GPR83: variants seen among roughly 807,000 people sequenced by gnomAD.
The protein encoded by GPR83 is G protein-coupled receptor 83.
Under a neutral mutation model 28.0 loss-of-function variants are expected in GPR83, and 23 were observed. The observed-to-expected ratio is 0.82, with a 90% CI of 0.59 to 1.16. The LOEUF (loss-of-function observed/expected upper bound fraction) is 1.16, where lower values mean the gene tolerates loss of function less well. GPR83 is among the 50% of genes most tolerant of loss of function. The pLI, the probability that GPR83 is intolerant of heterozygous loss-of-function variation, is 0.00. For synonymous variants in GPR83, 234 were observed against 215.4 expected, an observed-to-expected ratio of 1.09 and a Z score of -0.76; for missense variants, 610 against 536.6, an observed-to-expected ratio of 1.14 and a Z score of -1.35.
intron 3 of GPR83, among the ~76,000 whole-genome samples, chr11:94,381,372 C>CT (rs1944685920): frequency 2.0e-5 from 3 of 151,964 alleles, no homozygotes; most frequent in East Asian, 3.9e-4. Flanking sequence ...ACTTCCTTTG[C>CT]TTTTTTTAGG....
In GPR83 at chr11:94,398,433, G is replaced by A. The variant is rs186972808; in HGVS notation, c.388-1909C>T. On this transcript the variant is annotated intron_variant, in intron 1 of 3. Transcript: ENST00000243673. ...AACACAAAGTGAACTTTGATGCTTC[G>A]ATGCCTTTGTTCTCCCTGGTCCCTC... Among the ~76,000 whole-genome samples, 10 of 152,186 alleles carry A rather than the reference G, an allele frequency of 6.6e-5. No homozygotes were observed. The South Asian group carries it at 1.2e-3, about 19-fold the overall frequency.
intron 1 of GPR83, among the ~76,000 whole-genome samples, chr11:94,399,159 A>C (rs954573721): frequency 6.6e-6 from 1 of 152,102 alleles, no homozygotes; most frequent in Non-Finnish European, 1.5e-5. Context: ...CAACCGTACC[A>C]CTGTAGATTC....
chr11:94,380,082 A>G lies in GPR83; in HGVS notation c.*67T>C, dbSNP rs1049422048. On this transcript the variant is annotated 3_prime_UTR_variant, in exon 4 of 4. Coordinates refer to ENST00000243673, the MANE Select transcript of GPR83 (RefSeq NM_016540.4). ...TCCAGCACTCTGAAGATCATGTGTG[A>G]GAATAGGCTCTCTTTCCCTGCCTCA... 8 of 1,263,680 alleles carry G rather than the reference A, an allele frequency of 6.3e-6. No individual in the cohort carries two copies. In the African/African-American group the frequency reaches 1.0e-4, roughly 16 times the overall value. 78.3% of individuals were successfully genotyped at this position (1,263,680 alleles called of 1,614,324 possible). A position where few individuals can be genotyped will look rare whatever the true frequency, so the allele number is the denominator to read the frequency against.
chr11:94,382,373 A>T (rs1404392011), intron 3 of GPR83, among the ~76,000 whole-genome samples: 1 of 146,588 alleles, frequency 6.8e-6, no homozygotes, highest in East Asian at 2.0e-4. Flanking sequence ...AAAAAGCAGG[A>T]GTTACAATCC....
intron 3 of GPR83, among the ~76,000 whole-genome samples, chr11:94,389,727 G>C (rs1357345510): frequency 6.6e-6 from 1 of 152,194 alleles, no homozygotes. Context: ...TGGTGGGACT[G>C]TAAACTAGTT....
chr11:94,390,130 T>C (rs145160703), intron 3 of GPR83, among the ~76,000 whole-genome samples: 3,911 of 148,582 alleles, frequency 0.026, 71 homozygotes, highest in African/African-American at 0.046. Context: ...TGAGAACACT[T>C]GGACACAGGA....
At chr11:94,393,131 A>C (rs1001514379) in intron 3 of GPR83, among the ~76,000 whole-genome samples, 3 of 152,222 alleles carry the variant, frequency 2.0e-5, no homozygotes, top group Admixed American at 2.0e-4. Flanking sequence ...GTTTGTAGAT[A>C]GTGTGAGAGG....
In GPR83 at chr11:94,377,507, G is replaced by A. The variant is rs1565181786; in HGVS notation, c.*2642C>T. The A allele has an allele frequency of 6.6e-6, 1 of 152,160 alleles. No individual in the cohort carries two copies. The highest frequency in any genetic ancestry group is 1.5e-5 in the Non-Finnish European group (1 of 68,036). The allele number at this position is 152,160 out of a possible 1,614,324, so 9.4% of individuals were successfully genotyped here. A position where few individuals can be genotyped will look rare whatever the true frequency, so the allele number is the denominator to read the frequency against. ...TCAGTGGGTTCTCCCCAGAGTAAAA[G>A]GGTTTTCTCTGGGACTTGGCAGTAC... On this transcript the variant is annotated 3_prime_UTR_variant, in exon 4 of 4. Transcript: ENST00000243673.
At chr11:94,384,099 A>G (rs1944721792) in intron 3 of GPR83, among the ~76,000 whole-genome samples, 1 of 152,242 alleles carries the variant, frequency 6.6e-6, no homozygotes, top group African/African-American at 2.4e-5. Context: ...AAATACTGGC[A>G]AACTGAATCC....
chr11:94,390,690 G>A (rs1212593463), intron 3 of GPR83, among the ~76,000 whole-genome samples: 1 of 152,114 alleles, frequency 6.6e-6, no homozygotes, highest in African/African-American at 2.4e-5. Flanking sequence ...CAGACAAACA[G>A]AGAGCCAAAT....
rs1295238458 is a variant in GPR83, at chr11:94,388,815, G to A, written c.647+4670C>T. 7.9e-5 allele frequency among the ~76,000 whole-genome samples: 12 copies of A among 151,860 alleles called. No individual in the cohort carries two copies. The East Asian group carries it at 1.5e-3, about 20-fold the overall frequency. On this transcript the variant is annotated intron_variant, in intron 3 of 3. Coordinates refer to ENST00000243673, the MANE Select transcript of GPR83 (RefSeq NM_016540.4). Reference sequence around the variant, plus strand: ...CAGTGACTTTCTTCACAGAATTGGAGAAAACTACTTTAAAGTTCATATGGA... The same window carrying A: ...CAGTGACTTTCTTCACAGAATTGGAAAAAACTACTTTAAAGTTCATATGGA...
intron 1 of GPR83, among the ~76,000 whole-genome samples, chr11:94,400,442 G>A (rs1422324002): frequency 6.6e-6 from 1 of 151,188 alleles, no homozygotes; most frequent in African/African-American, 2.4e-5. Context: ...GGAGAGGAGA[G>A]GAGAGGAGAG....
At chr11:94,387,548 A>T (rs1429370017) in intron 3 of GPR83, among the ~76,000 whole-genome samples, 1 of 152,158 alleles carries the variant, frequency 6.6e-6, no homozygotes, top group Non-Finnish European at 1.5e-5. Context: ...TACTATAAAC[A>T]CCTCTATGCA....
At chr11:94,392,033 T>C (rs1565187401) in intron 3 of GPR83, among the ~76,000 whole-genome samples, 1 of 152,164 alleles carries the variant, frequency 6.6e-6, no homozygotes, top group Non-Finnish European at 1.5e-5. Flanking sequence ...CATATGTTTA[T>C]TGCGGCACTA....
chr11:94,393,372 G>T (rs1055795385), intron 3 of GPR83, 113 bp downstream of exon 3: 1 of 890,398 alleles, frequency 1.1e-6, no homozygotes, highest in Non-Finnish European at 1.8e-6. Flanking sequence ...AGTAAGACAG[G>T]TACTAGTTAC....
At chr11:94,396,089 G>A (rs750475373) in intron 2 of GPR83, among the ~76,000 whole-genome samples, 3 of 152,030 alleles carry the variant, frequency 2.0e-5, no homozygotes, top group African/African-American at 7.2e-5. Context: ...GCGTGGTGGC[G>A]AGCACCTGTA....
chr11:94,392,432 A>C (rs1944825753), intron 3 of GPR83, among the ~76,000 whole-genome samples: 1 of 152,066 alleles, frequency 6.6e-6, no homozygotes, highest in Non-Finnish European at 1.5e-5. Context: ...AAAACTGCAC[A>C]TTGTGTACAT....
chr11:94,382,923 C>T (rs1003346364), intron 3 of GPR83, among the ~76,000 whole-genome samples: 7 of 151,896 alleles, frequency 4.6e-5, no homozygotes, highest in East Asian at 3.9e-4. Context: ...CCAGCACTTT[C>T]GGAGGCCAAG....
intron 3 of GPR83, among the ~76,000 whole-genome samples, chr11:94,385,396 C>G (rs577237993): frequency 6.6e-6 from 1 of 151,256 alleles, no homozygotes; most frequent in African/African-American, 2.5e-5. Flanking sequence ...GATCAAACTT[C>G]TCCAAGCTAA....
Sources: allele counts gnomAD v4.1 joint callset (sites outside exome capture counted in the v4.1 genomes callset), GRCh38; gene constraint gnomAD v4.1.1; transcripts MANE v1.5; gene names NCBI Gene and HGNC (gene_info 2026-07-23, HGNC 2026-07-21).